The following PTPRT variants were observed in gnomAD, a reference collection of about 807,000 sequenced individuals.
PTPRT encodes the protein protein tyrosine phosphatase receptor type T, also known as receptor-type tyrosine-protein phosphatase T.
PTPRT carries 56 observed loss-of-function variants against 176.8 expected under a neutral mutation model. That is an observed-to-expected ratio of 0.32 (90% CI 0.26 to 0.40). The LOEUF (loss-of-function observed/expected upper bound fraction) is 0.40. Among genes scored for constraint, PTPRT ranks in the 10% least tolerant of loss-of-function variants. The probability of loss-of-function intolerance (pLI) is 1.00; values close to 1 mark genes in which losing one functional copy is unlikely to be tolerated. For synonymous variants in PTPRT, 783 were observed against 739.0 expected (o/e 1.06, Z -0.96); for missense variants, 1,540 against 1,908.2 (o/e 0.81, Z 3.60).
At chr20:43,054,327 G>A (rs1411464609) in intron 1 of PTPRT, among the ~76,000 whole-genome samples, 2 of 152,098 alleles carry the variant, frequency 1.3e-5, no homozygotes, top group Admixed American at 6.5e-5. Context: ...GCTGAGGTGG[G>A]CAGATGGCTT....
intron 7 of PTPRT, among the ~76,000 whole-genome samples, chr20:42,626,622 T>C (rs1301239864): frequency 6.6e-6 from 1 of 152,188 alleles, no homozygotes; most frequent in African/African-American, 2.4e-5. Flanking sequence ...GCCTCTTTAG[T>C]TGCAAGATTC....
the PTPRT span, among the ~76,000 whole-genome samples, chr20:42,046,032 T>A: frequency 6.6e-6 from 1 of 151,988 alleles, no homozygotes; most frequent in Non-Finnish European, 1.5e-5. Context: ...GTGGGGGAGG[T>A]TTCCCTTGAC....
chr20:43,031,334 C>G (rs1986129928), intron 1 of PTPRT, among the ~76,000 whole-genome samples: 1 of 152,158 alleles, frequency 6.6e-6, no homozygotes, highest in African/African-American at 2.4e-5. Flanking sequence ...ACTACACACC[C>G]TCACACGGAA....
At chr20:42,513,201 G>GGGGTGT (rs753412856) in intron 7 of PTPRT, among the ~76,000 whole-genome samples, 4 of 144,566 alleles carry the variant, frequency 2.8e-5, no homozygotes, top group Non-Finnish European at 6.1e-5. Flanking sequence ...CTATTGATGG[G>GGGGTGT]GTGTGTGTGT....
intron 9 of PTPRT, among the ~76,000 whole-genome samples, chr20:42,391,416 A>G (rs1272534649): frequency 6.6e-6 from 1 of 152,158 alleles, no homozygotes; most frequent in Non-Finnish European, 1.5e-5. Context: ...TGAACACATA[A>G]CATGGCAGCC....
chr20:42,232,605 T>C (rs1465169969), intron 15 of PTPRT, among the ~76,000 whole-genome samples: 1 of 151,576 alleles, frequency 6.6e-6, no homozygotes, highest in African/African-American at 2.4e-5. Context: ...CTCTCAATCC[T>C]ATCATCTCCA....
chr20:42,762,645 T>C (rs192583804), intron 5 of PTPRT, among the ~76,000 whole-genome samples: 1 of 152,192 alleles, frequency 6.6e-6, no homozygotes, highest in African/African-American at 2.4e-5. Context: ...TGGAGGGAGG[T>C]CACTTTTGTG....
At chr20:42,935,571 G>T (rs921333546) in intron 1 of PTPRT, among the ~76,000 whole-genome samples, 2 of 152,176 alleles carry the variant, frequency 1.3e-5, no homozygotes, top group Admixed American at 1.3e-4. Context: ...CCACAGAAAG[G>T]CTTCAGAAAA....
At chr20:42,692,288 A>C (rs2075805102) in intron 6 of PTPRT, among the ~76,000 whole-genome samples, 1 of 152,242 alleles carries the variant, frequency 6.6e-6, no homozygotes, top group African/African-American at 2.4e-5. Flanking sequence ...ACGTAAACTA[A>C]AATCCTACAT....
Position 42,191,175 on chromosome 20 carries a change from T to TA in PTPRT, c.2491+8064dup, listed in dbSNP as rs112372647. Among the ~76,000 whole-genome samples, 480 of 137,068 alleles carry TA rather than the reference T, an allele frequency of 3.5e-3. 1 individual carries two copies. The highest frequency in any genetic ancestry group is 7.7e-3 in the Middle Eastern group (2 of 260). The allele number at this position is 137,068 out of a possible 152,430, so 89.9% of individuals were successfully genotyped here. On this transcript the variant is annotated intron_variant, in intron 16 of 30. Transcript: ENST00000373187. The stretch of plus-strand genomic sequence containing the variant: ...AGTGATTGGCTGACACAACCAGAAA[T>TA]AAAAAAAAAAAAAATAGCCCTGTAG...
At chr20:42,931,664 C>T (rs1979856965) in intron 1 of PTPRT, among the ~76,000 whole-genome samples, 1 of 152,142 alleles carries the variant, frequency 6.6e-6, no homozygotes, top group African/African-American at 2.4e-5. Context: ...GGTGAGCATA[C>T]CATCACTAAT....
At chr20:43,098,275 C>T (rs2012249309) in intron 1 of PTPRT, among the ~76,000 whole-genome samples, 1 of 152,222 alleles carries the variant, frequency 6.6e-6, no homozygotes, top group Non-Finnish European at 1.5e-5. Context: ...TGGCTGAATG[C>T]ACAGACCTTA....
At chr20:42,555,855 G>A (rs916905948) in intron 7 of PTPRT, among the ~76,000 whole-genome samples, 3 of 152,112 alleles carry the variant, frequency 2.0e-5, no homozygotes, top group Admixed American at 6.5e-5. Flanking sequence ...AACATGTGGC[G>A]AGAGCCATGC....
At chr20:43,169,686 A>G (rs2014947316) in intron 1 of PTPRT, among the ~76,000 whole-genome samples, 1 of 152,172 alleles carries the variant, frequency 6.6e-6, no homozygotes, top group Non-Finnish European at 1.5e-5. Flanking sequence ...CTTCTAAAGA[A>G]CCACTACCGT....
chr20:43,061,136 C>T (rs1040678593), intron 1 of PTPRT, among the ~76,000 whole-genome samples: 1 of 147,622 alleles, frequency 6.8e-6, no homozygotes, highest in Non-Finnish European at 1.5e-5. Flanking sequence ...AGTCAGGGTA[C>T]CTACTTCAGC....
At chr20:42,608,855 C>A (rs964523596) in intron 7 of PTPRT, among the ~76,000 whole-genome samples, 2 of 152,096 alleles carry the variant, frequency 1.3e-5, no homozygotes, top group African/African-American at 2.4e-5. Context: ...GTGGTTCCAA[C>A]TTTTCTCAAG....
At chr20:42,154,579 T>C (rs1460863051) in intron 17 of PTPRT, among the ~76,000 whole-genome samples, 4 of 152,268 alleles carry the variant, frequency 2.6e-5, no homozygotes, top group African/African-American at 7.2e-5. Flanking sequence ...GGAGCTGTAA[T>C]AACCAGTACC....
chr20:42,646,638 C>T (rs777849115), intron 7 of PTPRT, among the ~76,000 whole-genome samples: 4 of 152,058 alleles, frequency 2.6e-5, no homozygotes, highest in Non-Finnish European at 5.9e-5. Flanking sequence ...AGCCATGAGT[C>T]GCTGGTGACT....
At chr20:42,740,518 A>C (rs1427300812) in intron 6 of PTPRT, among the ~76,000 whole-genome samples, 1 of 152,216 alleles carries the variant, frequency 6.6e-6, no homozygotes, top group Non-Finnish European at 1.5e-5. Flanking sequence ...TGGCAGGACA[A>C]GAGCAGGACT....
Sources: allele counts gnomAD v4.1 joint callset (sites outside exome capture counted in the v4.1 genomes callset), GRCh38; gene constraint gnomAD v4.1.1; transcripts MANE v1.5; gene names NCBI Gene and HGNC (gene_info 2026-07-23, HGNC 2026-07-21).